WDFY4: variants seen among roughly 807,000 people sequenced by gnomAD.
WDFY4 encodes WD repeat- and FYVE domain-containing protein 4.
Under a neutral mutation model 351.9 loss-of-function variants are expected in WDFY4, and 169 were observed. The ratio of observed to expected loss-of-function variants is 0.48; its 90% CI spans 0.42 to 0.55. The LOEUF (loss-of-function observed/expected upper bound fraction) is 0.55, where lower values mean the gene tolerates loss of function less well. Ranked by LOEUF, WDFY4 falls within the 20% of genes least tolerant of loss-of-function variation. The pLI, the probability that WDFY4 is intolerant of heterozygous loss-of-function variation, is 0.00. For missense variants in WDFY4, 3,803 were observed against 3,935.6 expected (o/e 0.97, Z 0.90); for synonymous variants, 1,622 against 1,574.6 (o/e 1.03, Z -0.71).
intron 47 of WDFY4, among the ~76,000 whole-genome samples, chr10:48,937,516 C>T (rs75122069): frequency 0.012 from 1,800 of 152,272 alleles, 43 homozygotes; most frequent in African/African-American, 0.041. Flanking sequence ...CTGGCCTGTA[C>T]ACCACCTCCT....
At chr10:48,685,793 A>G (rs746145583) in intron 1 of WDFY4, among the ~76,000 whole-genome samples, 31 of 152,126 alleles carry the variant, frequency 2.0e-4, no homozygotes, top group Admixed American at 2.0e-4. Context: ...GAGTTTATGT[A>G]TAGTCATTCA....
chr10:48,943,310 C>T lies in WDFY4; in HGVS notation c.7630-20C>T. ...GCATCAAACGTATTTGGTTTATCCC[C>T]TTTCTGTCTCTTCTGGTAGAAAAGG... On this transcript the variant is annotated intron_variant, in intron 48 of 61. Coordinates refer to ENST00000325239, the MANE Select transcript of WDFY4 (RefSeq NM_001394531.1). 1 of 1,551,166 alleles carries T rather than the reference C, an allele frequency of 6.4e-7. No individual in the cohort carries two copies. The highest frequency in any genetic ancestry group is 8.7e-7 in the Non-Finnish European group (1 of 1,146,828).
intron 39 of WDFY4, among the ~76,000 whole-genome samples, chr10:48,836,094 T>C (rs540700030): frequency 1.4e-4 from 22 of 152,348 alleles, no homozygotes; most frequent in African/African-American, 5.3e-4. Context: ...AAGGCACAAC[T>C]TCTCAGGTAC....
At position 48,774,586 on chromosome 10, in the gene WDFY4, G is replaced by A. The variant is rs1168685649; in HGVS notation, c.2682G>A (p.Leu894=). The part of the protein sequence containing the change: ...GTLMASCHRA[L]VTSGSPLHSR... Reference sequence around the variant, plus strand: ...TCATGGCCTCCTGCCACAGGGCCCTGGTCACCAGTGGCAGCCCCCTCCACT... The same window carrying A: ...TCATGGCCTCCTGCCACAGGGCCCTAGTCACCAGTGGCAGCCCCCTCCACT... The change falls in exon 14 of 62, where the codon CTG becomes CTA. Residue 894 remains leucine (L), a synonymous_variant. Transcript: ENST00000325239. The A allele has an allele frequency of 3.2e-6, 5 of 1,551,686 alleles. No homozygotes were observed.
Position 48,974,539 on chromosome 10 carries a change from A to AAAAAAACAACT in WDFY4, c.8929-323_8929-322insAAAAAACAACT, listed in dbSNP as rs1345912277. 1.1e-4 allele frequency among the ~76,000 whole-genome samples: 2 copies of AAAAAAACAACT among 18,328 alleles called. 1 individual carries two copies. The highest frequency in any genetic ancestry group is 2.5e-4 in the African/African-American group (2 of 7,880). 12.0% of individuals were successfully genotyped at this position (18,328 alleles called of 152,430 possible). ...AAAAAAAAAAAAAAAACAACTCATG[A>AAAAAAACAACT]CATGAACTGCTCCCGGGTTCAAGAT... On this transcript the variant is annotated intron_variant, in intron 57 of 61. Coordinates refer to ENST00000325239, the MANE Select transcript of WDFY4 (RefSeq NM_001394531.1).
At chr10:48,698,244 T>C (rs1353873279) in intron 1 of WDFY4, among the ~76,000 whole-genome samples, 1 of 152,238 alleles carries the variant, frequency 6.6e-6, no homozygotes, top group Non-Finnish European at 1.5e-5. Context: ...CAATTTTGCC[T>C]GCCCACGATG....
chr10:48,709,017 C>T (rs1035939060), intron 1 of WDFY4, among the ~76,000 whole-genome samples: 3 of 151,136 alleles, frequency 2.0e-5, no homozygotes, highest in African/African-American at 7.3e-5. Context: ...ACCCCCCCCC[C>T]CCAAACAGGC....
intron 6 of WDFY4, 84 bp from the exon 7 acceptor site, chr10:48,727,386 T>G: frequency 7.5e-7 from 1 of 1,330,462 alleles, no homozygotes; most frequent in South Asian, 1.4e-5. Context: ...ACATGTTGTT[T>G]GGAGTAGGGG....
At chr10:48,761,063 A>G (rs915386109) in intron 13 of WDFY4, among the ~76,000 whole-genome samples, 4 of 152,166 alleles carry the variant, frequency 2.6e-5, no homozygotes, top group African/African-American at 9.7e-5. Context: ...CATTAAATCT[A>G]ATTTAGATAA....
intron 44 of WDFY4, among the ~76,000 whole-genome samples, chr10:48,890,962 T>C (rs2070672157): frequency 6.6e-6 from 1 of 152,184 alleles, no homozygotes; most frequent in Non-Finnish European, 1.5e-5. Context: ...TCTCCCCTAA[T>C]GTGGAATGTC....
At chr10:48,862,575 G>C (rs1017484496) in intron 39 of WDFY4, among the ~76,000 whole-genome samples, 1 of 152,090 alleles carries the variant, frequency 6.6e-6, no homozygotes, top group Non-Finnish European at 1.5e-5. Context: ...GCTCAAGGTT[G>C]TTCTATATTA....
intron 51 of WDFY4, among the ~76,000 whole-genome samples, chr10:48,952,840 G>T (rs751276940): frequency 6.6e-6 from 1 of 152,192 alleles, no homozygotes; most frequent in Non-Finnish European, 1.5e-5. Context: ...GCTTCCCAAC[G>T]CCATGAGGGT....
intron 2 of WDFY4, among the ~76,000 whole-genome samples, chr10:48,712,447 C>A (rs1171247921): frequency 2.0e-5 from 3 of 152,220 alleles, no homozygotes; most frequent in Non-Finnish European, 4.4e-5. Context: ...TGGAACCCAC[C>A]TCTGGCAAAC....
intron 11 of WDFY4, among the ~76,000 whole-genome samples, chr10:48,742,583 G>A (rs146943887): frequency 0.022 from 3,283 of 152,324 alleles, 60 homozygotes; most frequent in Non-Finnish European, 0.03. Context: ...CTTCAGTCTG[G>A]TGGAGAGCTG....
intron 31 of WDFY4, among the ~76,000 whole-genome samples, chr10:48,814,865 C>A (rs892520333): frequency 5.3e-5 from 8 of 152,246 alleles, no homozygotes; most frequent in African/African-American, 1.9e-4. Context: ...CAAGATTCGA[C>A]CATATCCTCA....
At chr10:48,807,803 CA>C in intron 27 of WDFY4, 55 bp from the exon 28 acceptor site, 1 of 1,525,140 alleles carries the variant, frequency 6.6e-7, no homozygotes, top group Non-Finnish European at 8.9e-7. Flanking sequence ...CTTACTGCAG[CA>C]AATATTATGT....
chr10:48,761,297 C>T (rs1047315547), intron 13 of WDFY4, among the ~76,000 whole-genome samples: 2 of 152,146 alleles, frequency 1.3e-5, no homozygotes, highest in Admixed American at 6.5e-5. Flanking sequence ...TAACAAGAAG[C>T]CTCTCTCACG....
At chr10:48,914,658 G>A (rs1381018999) in intron 47 of WDFY4, among the ~76,000 whole-genome samples, 1 of 152,170 alleles carries the variant, frequency 6.6e-6, no homozygotes, top group Non-Finnish European at 1.5e-5. Context: ...GAGTTTTCCA[G>A]CCAACATAAG....
At chr10:48,761,372 T>A (rs3849147) in intron 13 of WDFY4, among the ~76,000 whole-genome samples, 12,777 of 152,108 alleles carry the variant, frequency 0.084, 677 homozygotes, top group East Asian at 0.24. Context: ...TGGTGGAGAA[T>A]GGACAGGGAA....
Sources: allele counts gnomAD v4.1 joint callset (sites outside exome capture counted in the v4.1 genomes callset), GRCh38; gene constraint gnomAD v4.1.1; transcripts MANE v1.5; gene names NCBI Gene and HGNC (gene_info 2026-07-23, HGNC 2026-07-21).